The following DUSP26 variants were observed in gnomAD, a reference collection of about 807,000 sequenced individuals.
DUSP26 encodes dual specificity protein phosphatase 26.
In DUSP26, 12 loss-of-function variants were observed where a neutral mutation model predicts 20.0. The ratio of observed to expected loss-of-function variants is 0.60; its 90% CI spans 0.38 to 0.97. The LOEUF is 0.97. Ranked by LOEUF, DUSP26 falls within the 50% of genes least tolerant of loss-of-function variation. The pLI is 0.00. For missense variants in DUSP26, 230 were observed against 294.0 expected (o/e 0.78, Z 1.59); for synonymous variants, 120 against 118.8 (o/e 1.01, Z -0.06).
chr8:33,594,578 C>T (rs1349736955), intron 2 of DUSP26, among the ~76,000 whole-genome samples: 2 of 151,384 alleles, frequency 1.3e-5, no homozygotes, highest in Non-Finnish European at 2.9e-5. Context: ...GGTGACAGAG[C>T]AAGACTCCAT....
intron 2 of DUSP26, among the ~76,000 whole-genome samples, chr8:33,595,361 G>T (rs2003876): frequency 0.068 from 9,886 of 146,104 alleles, 868 homozygotes; most frequent in African/African-American, 0.21. Context: ...GTTTTTTTTT[G>T]TTGTTGTTGT....
rs1243379454 is a variant in DUSP26 at position 33,597,378 on chromosome 8, G to A, written c.138C>T (p.Phe46=). The change falls in exon 2 of 4, where the codon TTC becomes TTT. Residue 46 remains phenylalanine, a synonymous_variant. Transcript: ENST00000256261. The part of the protein sequence containing the change: ...PTVQHPFLNV[F]ELERLLYTGK... ...CTGTGTAGAGGAGCCGCTCCAACTC[G>A]AAGACATTGAGGAAAGGATGTTGAA... 2 of 1,614,074 alleles carry A rather than the reference G, an allele frequency of 1.2e-6. No homozygotes were observed. The highest frequency in any genetic ancestry group is 1.1e-5 in the South Asian group (1 of 91,066).
rs1811033388 is a variant in DUSP26 at position 33,592,071 on chromosome 8, C to T, written c.578G>A (p.Gly193Asp). The change falls in exon 4 of 4, where the codon GGC becomes GAC. Residue 193 changes from glycine (G) to aspartate (D), a missense_variant. By Grantham distance (94) the Gly-to-Asp change is moderately conservative. Coordinates refer to ENST00000256261, the MANE Select transcript of DUSP26 (RefSeq NM_024025.3). ...CAGGGCCAGGAGCTGCCTCAGGAAG[C>T]CCCGGTTGGGGATGATGCCTCGGTG... ...KDHRGIIPNR[G>D]FLRQLLALDR... The T allele has an allele frequency of 1.2e-6, 2 of 1,613,914 alleles. No individual in the cohort carries two copies. Among genetic ancestry groups the T allele is most frequent in the South Asian group, 1.1e-5 (1 of 91,054 alleles).
intron 3 of DUSP26, 134 bp downstream of exon 3, chr8:33,593,399 A>G (rs2128846132): frequency 9.9e-7 from 1 of 1,006,434 alleles, no homozygotes; most frequent in Admixed American, 2.9e-5. Flanking sequence ...TGGTTGAGAT[A>G]ATATTTTTTT....
In DUSP26 at chr8:33,591,842, C is replaced by T. The variant is rs966554761; in HGVS notation, c.*171G>A. 12 of 757,432 alleles carry T rather than the reference C, an allele frequency of 1.6e-5. No individual in the cohort carries two copies. The African/African-American group carries it at 1.9e-4, about 12-fold the overall frequency. 46.9% of individuals were successfully genotyped at this position (757,432 alleles called of 1,614,324 possible). On this transcript the variant is annotated 3_prime_UTR_variant, in exon 4 of 4. Transcript: ENST00000256261. ...CCATCCACCACACTGCCCAACCTCA[C>T]TCCCCGTCCCCTCCCACAAAGAGTG...
Position 33,592,309 on chromosome 8 carries a change from G to A in DUSP26, c.437-97C>T, listed in dbSNP as rs373351723. 3.0e-4 allele frequency: 380 copies of A among 1,247,228 alleles called. 4 individuals carry two copies. In the East Asian group the frequency reaches 7.9e-3, roughly 26 times the overall value. The allele number at this position is 1,247,228 out of a possible 1,614,324, so 77.3% of individuals were successfully genotyped here. On this transcript the variant is annotated intron_variant, in intron 3 of 3. Coordinates refer to ENST00000256261, the MANE Select transcript of DUSP26 (RefSeq NM_024025.3). ...CATGGGGCCGGGCATGGTGGCTCAC[G>A]GCGGTAATTCCAGCACTTTTGGAGG... is the stretch of plus-strand genomic sequence containing the variant.
In DUSP26 at chr8:33,593,640, C is replaced by T. The variant is rs765119983; in HGVS notation, c.329G>A (p.Gly110Asp). Reference sequence around the variant, plus strand: ...GGCCTCAACACCCAGGTAGCGGATGCCCAGCCCCTCATAGGCCTCGGGCGT... The same window carrying T: ...GGCCTCAACACCCAGGTAGCGGATGTCCAGCCCCTCATAGGCCTCGGGCGT... ...RGTPEAYEGLGIRYLGVEAHD... is the reference protein window; with the variant it reads ...RGTPEAYEGLDIRYLGVEAHD... Residue 110 changes from glycine to aspartate, a missense_variant, in exon 3 of 4, where the codon GGC (glycine) becomes GAC (aspartate). Physicochemically the swap from Gly to Asp is moderately conservative, Grantham distance 94 (BLOSUM62 -1). Coordinates refer to ENST00000256261, the MANE Select transcript of DUSP26 (RefSeq NM_024025.3). The T allele has an allele frequency of 4.3e-6, 7 of 1,614,064 alleles. No homozygotes were observed. Among genetic ancestry groups the T allele is most frequent in the Admixed American group, 1.7e-5 (1 of 60,002 alleles).
intron 2 of DUSP26, among the ~76,000 whole-genome samples, chr8:33,594,595 AAAAAC>A (rs775467942): frequency 2.6e-5 from 4 of 151,992 alleles, no homozygotes; most frequent in African/African-American, 4.8e-5. Context: ...CCATCTCAAA[AAAAAC>A]AAAACAAAAC....
At chr8:33,599,571 C>T (rs531022440) in intron 1 of DUSP26, 94 bp downstream of exon 1, 6 of 152,190 alleles carry the variant, frequency 3.9e-5, no homozygotes, top group Non-Finnish European at 8.8e-5. Flanking sequence ...GCCCGCTTCC[C>T]GGTCCCCTCC....
At chr8:33,594,587 A>G (rs566621608) in intron 2 of DUSP26, among the ~76,000 whole-genome samples, 22 of 151,764 alleles carry the variant, frequency 1.4e-4, no homozygotes, top group Non-Finnish European at 2.6e-4. Flanking sequence ...GCAAGACTCC[A>G]TCTCAAAAAA....
chr8:33,593,822 T>A (rs1414691794), intron 2 of DUSP26, 75 bp from the exon 3 acceptor site: 2 of 1,523,908 alleles, frequency 1.3e-6, no homozygotes, highest in East Asian at 2.3e-5. Flanking sequence ...TACACCCTGT[T>A]AACTTCCTGA....
At chr8:33,597,620 TTGAG>T (rs1426463945) in intron 1 of DUSP26, 29 bp from the exon 2 acceptor site, 4 of 951,928 alleles carry the variant, frequency 4.2e-6, no homozygotes, top group Non-Finnish European at 6.2e-6. Flanking sequence ...TGAGACACAC[TTGAG>T]TGAGTCCAGA....
At chr8:33,594,255 G>A (rs1208226742) in intron 2 of DUSP26, among the ~76,000 whole-genome samples, 1 of 152,088 alleles carries the variant, frequency 6.6e-6, no homozygotes, top group African/African-American at 2.4e-5. Flanking sequence ...TTTGCCTGGA[G>A]AAGAGAAGAC....
At chr8:33,596,517 G>A (rs1015658996) in intron 2 of DUSP26, among the ~76,000 whole-genome samples, 2 of 152,164 alleles carry the variant, frequency 1.3e-5, no homozygotes, top group African/African-American at 4.8e-5. Context: ...GGGAGGTGGA[G>A]GTTGCAGAGA....
chr8:33,593,889 T>C, intron 2 of DUSP26, 142 bp from the exon 3 acceptor site: 2 of 941,200 alleles, frequency 2.1e-6, no homozygotes, highest in Non-Finnish European at 3.2e-6. Context: ...TAGGCCAGAG[T>C]GCTCACTGCC....
At position 33,593,762 on chromosome 8, in the gene DUSP26, G is replaced by A. The variant is rs774360865; in HGVS notation, c.222-15C>T. ...TAGCCATGTCCCTGCATTGAGTAGA[G>A]GTTAGAGGAAGGGTGGGAAAGCCAG... On this transcript the variant is annotated splice_polypyrimidine_tract_variant and intron_variant, in intron 2 of 3. Transcript: ENST00000256261. 3.7e-6 allele frequency: 6 copies of A among 1,609,110 alleles called. No individual in the cohort carries two copies. The South Asian group carries it at 5.5e-5, about 15-fold the overall frequency.
chr8:33,591,960 C>G lies in DUSP26; in HGVS notation c.*53G>C, dbSNP rs899268002. ...TGCCACCTGGGCCTCCTATCTCCAG[C>G]TGGGAGCCAGGGACCTACCCACGGG... On this transcript the variant is annotated 3_prime_UTR_variant, in exon 4 of 4. Coordinates refer to ENST00000256261, the MANE Select transcript of DUSP26 (RefSeq NM_024025.3). 2 of 1,600,520 alleles carry G rather than the reference C, an allele frequency of 1.2e-6. No individual in the cohort carries two copies. Among genetic ancestry groups the G allele is most frequent in the Non-Finnish European group, 1.7e-6 (2 of 1,175,590 alleles).
chr8:33,598,375 G>A (rs1811198832), intron 1 of DUSP26, among the ~76,000 whole-genome samples: 2 of 151,518 alleles, frequency 1.3e-5, no homozygotes, highest in South Asian at 4.2e-4. Context: ...CTGAATCTAA[G>A]CAGGGTTGGA....
intron 2 of DUSP26, among the ~76,000 whole-genome samples, chr8:33,595,861 C>CT (rs1811132275): frequency 6.6e-6 from 1 of 152,144 alleles, no homozygotes; most frequent in South Asian, 2.1e-4. Flanking sequence ...GGCTCTGCTA[C>CT]TTACAACCCG....
Sources: allele counts gnomAD v4.1 joint callset (sites outside exome capture counted in the v4.1 genomes callset), GRCh38; gene constraint gnomAD v4.1.1; transcripts MANE v1.5; gene names NCBI Gene and HGNC (gene_info 2026-07-23, HGNC 2026-07-21).